GLYATL3: variants seen among roughly 807,000 people sequenced by gnomAD.
The protein encoded by GLYATL3 is glycine-N-acyltransferase like 3, also known as glycine N-acyltransferase-like protein 3.
A neutral mutation model predicts 28.5 loss-of-function variants in GLYATL3; 31 were observed. The observed-to-expected ratio is 1.09, with a 90% CI of 0.82 to 1.47. GLYATL3 has a LOEUF of 1.47. Ranked by LOEUF, GLYATL3 falls within the 40% of genes most tolerant of loss-of-function variation. The pLI is 0.00. For synonymous variants in GLYATL3, 141 were observed against 140.2 expected (o/e 1.01, Z -0.04); for missense variants, 369 against 351.5 (o/e 1.05, Z -0.40).
chr6:49,512,226 T>G (rs1769134018), intron 2 of GLYATL3, among the ~76,000 whole-genome samples, 158 bp downstream of exon 2: 1 of 151,816 alleles, frequency 6.6e-6, no homozygotes, highest in African/African-American at 2.4e-5. Context: ...TAGAGACAGA[T>G]TGAATAGACT....
chr6:49,517,082 C>T (rs1484473957), intron 3 of GLYATL3, among the ~76,000 whole-genome samples: 2 of 149,214 alleles, frequency 1.3e-5, no homozygotes, highest in East Asian at 4.3e-4. Context: ...CTTGAACTGG[C>T]TCACTGCAAT....
chr6:49,527,006 G>A lies in GLYATL3; in HGVS notation c.*92G>A. 2 of 968,930 alleles carry A rather than the reference G, an allele frequency of 2.1e-6. No homozygotes were observed. Among genetic ancestry groups the A allele is most frequent in the Non-Finnish European group, 3.0e-6 (2 of 671,920 alleles). 60.0% of individuals were successfully genotyped at this position (968,930 alleles called of 1,614,324 possible). On this transcript the variant is annotated 3_prime_UTR_variant, in exon 6 of 6. Coordinates refer to ENST00000371197, the MANE Select transcript of GLYATL3 (RefSeq NM_001010904.2). ...AGGGGAGAGTTAAAATGGGAATCAG[G>A]GGACTCTTGAGTTGTTGGAAAGGGT... is the stretch of plus-strand genomic sequence containing the variant.
rs1379125099 is a variant in GLYATL3 at position 49,521,353 on chromosome 6, AT to A, written c.314-290del. 1.2e-4 allele frequency among the ~76,000 whole-genome samples: 18 copies of A among 152,294 alleles called. No homozygotes were observed. In the East Asian group the frequency reaches 3.1e-3, roughly 26 times the overall value. On this transcript the variant is annotated intron_variant, in intron 4 of 5. Transcript: ENST00000371197. The stretch of plus-strand genomic sequence containing the variant: ...TAGTCCGAGAGTCCAAAGTATCAAT[AT>A]TCTCCCAAGAAATTCTAAAGTCCCG...
intron 1 of GLYATL3, among the ~76,000 whole-genome samples, chr6:49,503,644 AAC>A (rs1281245971): frequency 1.3e-5 from 2 of 152,232 alleles, no homozygotes; most frequent in African/African-American, 2.4e-5. Context: ...CTTCTGAACT[AAC>A]ACAATCCTTC....
intron 1 of GLYATL3, among the ~76,000 whole-genome samples, chr6:49,501,869 C>T (rs909116009): frequency 7.2e-5 from 11 of 152,306 alleles, no homozygotes; most frequent in African/African-American, 2.6e-4. Context: ...AGGCTATCCA[C>T]AAGGGTCGCA....
At chr6:49,525,093 A>T (rs867048632) in intron 5 of GLYATL3, among the ~76,000 whole-genome samples, 26 of 141,362 alleles carry the variant, frequency 1.8e-4, no homozygotes, top group South Asian at 1.1e-3. Flanking sequence ...ATTCTAAAAC[A>T]TTTTTTTTTT....
chr6:49,517,955 C>A (rs1044307759), intron 4 of GLYATL3, among the ~76,000 whole-genome samples: 1 of 152,078 alleles, frequency 6.6e-6, no homozygotes, highest in Non-Finnish European at 1.5e-5. Context: ...ATAGGTAGGC[C>A]TTTTATTTTT....
chr6:49,502,099 G>T (rs558787034), intron 1 of GLYATL3, among the ~76,000 whole-genome samples: 26 of 152,240 alleles, frequency 1.7e-4, no homozygotes, highest in African/African-American at 5.3e-4. Flanking sequence ...TTACTCCATA[G>T]CAATAGTTTC....
intron 1 of GLYATL3, among the ~76,000 whole-genome samples, chr6:49,505,304 T>C (rs939505896): frequency 6.6e-6 from 1 of 152,226 alleles, no homozygotes; most frequent in Non-Finnish European, 1.5e-5. Context: ...ATATTTTTGA[T>C]GGTAGCTGTT....
At position 49,502,986 on chromosome 6, in the gene GLYATL3, GT is replaced by G. The variant is rs565763109; in HGVS notation, c.-29+2949del. 1.3e-3 allele frequency among the ~76,000 whole-genome samples: 192 copies of G among 152,236 alleles called. 1 individual carries two copies. Among genetic ancestry groups the G allele is most frequent in the African/African-American group, 4.1e-3 (171 of 41,548 alleles). On this transcript the variant is annotated intron_variant, in intron 1 of 5. Coordinates refer to ENST00000371197, the MANE Select transcript of GLYATL3 (RefSeq NM_001010904.2). Reference sequence around the variant, plus strand: ...ACAACTAACACATGTAATTATGTTGGTTTTTGAACTAATATGCATCTTTCCT... The same window carrying G: ...ACAACTAACACATGTAATTATGTTGGTTTTGAACTAATATGCATCTTTCCT...
chr6:49,501,283 C>T (rs1473201328), intron 1 of GLYATL3, among the ~76,000 whole-genome samples: 2 of 152,032 alleles, frequency 1.3e-5, no homozygotes, highest in African/African-American at 2.4e-5. Flanking sequence ...GTGTGTATCG[C>T]GGGAGCTGGC....
At chr6:49,511,163 T>A (rs1270971589) in intron 1 of GLYATL3, among the ~76,000 whole-genome samples, 2 of 152,136 alleles carry the variant, frequency 1.3e-5, no homozygotes, top group East Asian at 3.9e-4. Flanking sequence ...TAGGAAATAT[T>A]TTTTTTCTTT....
Position 49,507,627 on chromosome 6 carries a change from C to G in GLYATL3, c.-28-4336C>G, listed in dbSNP as rs921927489. ...AGACTGAAGACCAGTCGTCATGAAC[C>G]TGCATTCGGAGTGCACTGAGCCGAG... On this transcript the variant is annotated intron_variant, in intron 1 of 5. Coordinates refer to ENST00000371197, the MANE Select transcript of GLYATL3 (RefSeq NM_001010904.2). Among the ~76,000 whole-genome samples the G allele has an allele frequency of 8.5e-5, 13 of 152,260 alleles. 1 individual carries two copies. The highest frequency in any genetic ancestry group is 8.3e-4 in the South Asian group (4 of 4,822).
At position 49,526,353 on chromosome 6, in the gene GLYATL3, C is replaced by CA. The variant is rs558658131; in HGVS notation, c.441-134dup. 158 of 678,156 alleles carry CA rather than the reference C, an allele frequency of 2.3e-4. 1 individual carries two copies. The East Asian group carries it at 4.2e-3, about 18-fold the overall frequency. The allele number at this position is 678,156 out of a possible 1,614,324, so 42.0% of individuals were successfully genotyped here. The stretch of plus-strand genomic sequence containing the variant: ...GCTTGAACCCGGGAGGCAGAGGTTG[C>CA]AGTGAGCAGAGATCACGCCACTGCA... On this transcript the variant is annotated intron_variant, in intron 5 of 5. Coordinates refer to ENST00000371197, the MANE Select transcript of GLYATL3 (RefSeq NM_001010904.2).
intron 4 of GLYATL3, among the ~76,000 whole-genome samples, chr6:49,519,674 A>C (rs1769280541): frequency 1.3e-5 from 2 of 152,212 alleles, no homozygotes; most frequent in South Asian, 4.1e-4. Context: ...ATCAAGCATT[A>C]GGTGGTGGAG....
At chr6:49,500,216 G>T (rs1768888287) in intron 1 of GLYATL3, among the ~76,000 whole-genome samples, 174 bp downstream of exon 1, 2 of 152,080 alleles carry the variant, frequency 1.3e-5, no homozygotes, top group South Asian at 2.1e-4. Flanking sequence ...TTTGTTTGGG[G>T]TTTTTTTAAC....
intron 1 of GLYATL3, among the ~76,000 whole-genome samples, chr6:49,509,948 C>CTTTCTTTCTT (rs68151540): frequency 2.0e-3 from 198 of 100,252 alleles, no homozygotes; most frequent in African/African-American, 5.2e-3. Context: ...TATTTTCTTT[C>CTTTCTTTCTT]TCTTTCTTTC....
Position 49,526,567 on chromosome 6 carries a change from A to G in GLYATL3, c.520A>G (p.Asn174Asp). ...LLNRTWSRGG[N>D]EQCLRYIANL... is the part of the protein sequence containing the mutation. ...CAACCGGACTTGGTCCCGGGGAGGC[A>G]ATGAACAATGTCTCCGGTACATCGC... is the stretch of plus-strand genomic sequence containing the variant. Residue 174 changes from asparagine to aspartate, a missense_variant, in exon 6 of 6, where the codon AAT (asparagine) becomes GAT (aspartate). Coordinates refer to ENST00000371197, the MANE Select transcript of GLYATL3 (RefSeq NM_001010904.2). 1 of 1,551,860 alleles carries G rather than the reference A, an allele frequency of 6.4e-7. No individual in the cohort carries two copies. Among genetic ancestry groups the G allele is most frequent in the South Asian group, 1.2e-5 (1 of 84,052 alleles).
At chr6:49,524,983 A>AG (rs1187310994) in intron 5 of GLYATL3, among the ~76,000 whole-genome samples, 1 of 151,278 alleles carries the variant, frequency 6.6e-6, no homozygotes, top group East Asian at 1.9e-4. Flanking sequence ...AAAAAAAAAA[A>AG]AAAAAAAAGA....
Sources: allele counts gnomAD v4.1 joint callset (sites outside exome capture counted in the v4.1 genomes callset), GRCh38; gene constraint gnomAD v4.1.1; transcripts MANE v1.5; gene names NCBI Gene and HGNC (gene_info 2026-07-23, HGNC 2026-07-21).